Variants in TMEM164 observed in about 807,000 individuals in gnomAD.
TMEM164 encodes the protein RP13-360B22.2.
Under a neutral mutation model 18.8 loss-of-function variants are expected in TMEM164, and 4 were observed. That is an observed-to-expected ratio of 0.21 (90% CI 0.10 to 0.49). The LOEUF (loss-of-function observed/expected upper bound fraction) is 0.49. TMEM164 is among the 20% of genes least tolerant of loss of function. The probability of loss-of-function intolerance (pLI) is 0.98; values close to 1 mark genes in which losing one functional copy is unlikely to be tolerated. For synonymous variants in TMEM164, 86 were observed against 101.7 expected, an observed-to-expected ratio of 0.85 and a Z score of 0.93; for missense variants, 108 against 239.9, an observed-to-expected ratio of 0.45 and a Z score of 3.63.
chrX:110,038,886 A>G (rs1934969299), intron 2 of TMEM164, among the ~76,000 whole-genome samples: 1 of 110,557 alleles, frequency 9.0e-6, no homozygotes, highest in Non-Finnish European at 1.9e-5. Flanking sequence ...TTAAAAAACT[A>G]CTTTGAGCTT....
chrX:110,040,723 C>G (rs1432171761), intron 2 of TMEM164, among the ~76,000 whole-genome samples: 1 of 111,522 alleles, frequency 9.0e-6, no homozygotes, highest in African/African-American at 3.3e-5. Context: ...CTCAGCCACC[C>G]TCTGGGGTTA....
rs1325003821 is a variant in TMEM164 at position 110,011,189 on chromosome X, CA to C, written c.390+7035del. Among the ~76,000 whole-genome samples the C allele has an allele frequency of 8.8e-4, 92 of 104,387 alleles. 1 individual carries two copies. The highest frequency in any genetic ancestry group is 2.7e-3 in the African/African-American group (79 of 28,815). 90.6% of individuals were successfully genotyped at this position (104,387 alleles called of 115,157 possible). On this transcript the variant is annotated intron_variant, in intron 2 of 6. Transcript: ENST00000372068. ...GTACTTTCAAAAACAAAACCAAAAA[CA>C]AAAAAAAAAGAAGAAGTAGCCTTTG...
At chrX:110,044,429 T>C (rs947747544) in intron 2 of TMEM164, among the ~76,000 whole-genome samples, 3 of 109,477 alleles carry the variant, frequency 2.7e-5, no homozygotes, top group African/African-American at 1.0e-4. Context: ...TGTCAGGTTT[T>C]TTTTTTGTTG....
At chrX:110,072,113 C>CTTT (rs2065601175) in intron 3 of TMEM164, among the ~76,000 whole-genome samples, 1 of 107,843 alleles carries the variant, frequency 9.3e-6, no homozygotes, top group Admixed American at 1.0e-4. Flanking sequence ...CCAGCCTTAC[C>CTTT]AACATGGTGA....
At chrX:110,143,254 T>C (rs1001873640) in intron 4 of TMEM164, among the ~76,000 whole-genome samples, 18 of 112,122 alleles carry the variant, frequency 1.6e-4, no homozygotes, top group South Asian at 3.7e-4. Flanking sequence ...TTTTGAGACA[T>C]TGAGTAGATT....
At chrX:110,090,928 A>G (rs1032757109) in intron 3 of TMEM164, among the ~76,000 whole-genome samples, 4 of 107,129 alleles carry the variant, frequency 3.7e-5, no homozygotes, top group South Asian at 4.3e-4. Flanking sequence ...TCATTGTTCA[A>G]TTCCCACCTA....
At chrX:110,006,746 T>C (rs1347028957) in intron 2 of TMEM164, among the ~76,000 whole-genome samples, 1 of 112,533 alleles carries the variant, frequency 8.9e-6, no homozygotes, top group Non-Finnish European at 1.9e-5. Flanking sequence ...TTGTTACTTT[T>C]AGCTTAGGCC....
intron 3 of TMEM164, among the ~76,000 whole-genome samples, chrX:110,073,971 G>T (rs78799681): frequency 0.51 from 55,907 of 108,860 alleles, 11,151 homozygotes; most frequent in East Asian, 0.88. Context: ...TCATCCTCCC[G>T]GGTCCAAGTG....
chrX:110,087,527 A>T (rs913910678), intron 3 of TMEM164, among the ~76,000 whole-genome samples: 1 of 111,648 alleles, frequency 9.0e-6, no homozygotes, highest in African/African-American at 3.3e-5. Flanking sequence ...TTGGGTTGTA[A>T]TCAGACAGTT....
At chrX:110,154,878 CTG>C (rs2066995135) in intron 5 of TMEM164, among the ~76,000 whole-genome samples, 1 of 111,889 alleles carries the variant, frequency 8.9e-6, no homozygotes, top group African/African-American at 3.3e-5. Context: ...CTTGACCTCT[CTG>C]TGTCTGTTTT....
intron 3 of TMEM164, among the ~76,000 whole-genome samples, chrX:110,094,472 A>G (rs2065982484): frequency 2.7e-5 from 3 of 111,345 alleles, no homozygotes; most frequent in Non-Finnish European, 5.7e-5. Context: ...TTGTTGGTTT[A>G]AAGTCTGTTT....
intron 2 of TMEM164, among the ~76,000 whole-genome samples, chrX:110,067,000 C>T (rs1936371349): frequency 9.0e-6 from 1 of 111,685 alleles, no homozygotes; most frequent in Non-Finnish European, 1.9e-5. Context: ...CCCTGGGAGG[C>T]AAACCAGATG....
intron 4 of TMEM164, among the ~76,000 whole-genome samples, chrX:110,117,925 C>T (rs2066394495): frequency 8.9e-6 from 1 of 111,972 alleles, no homozygotes; most frequent in African/African-American, 3.2e-5. Context: ...ATATTTCTTT[C>T]TCTTTTTTTT....
chrX:110,123,014 A>T (rs1225903676), intron 4 of TMEM164, among the ~76,000 whole-genome samples: 2 of 112,035 alleles, frequency 1.8e-5, no homozygotes, highest in African/African-American at 6.5e-5. Flanking sequence ...AAGATATATG[A>T]CTGTTTTCTT....
intron 2 of TMEM164, among the ~76,000 whole-genome samples, chrX:110,056,071 A>G (rs1210309066): frequency 9.0e-6 from 1 of 111,661 alleles, no homozygotes; most frequent in Non-Finnish European, 1.9e-5. Context: ...TGTACAATTG[A>G]ATGTTTTTAG....
intron 2 of TMEM164, among the ~76,000 whole-genome samples, chrX:110,030,512 G>A (rs1934437064): frequency 9.4e-6 from 1 of 106,786 alleles, no homozygotes; most frequent in African/African-American, 3.4e-5. Flanking sequence ...TCAAGAGACA[G>A]TTGCCATTTA....
chrX:110,109,578 G>T (rs931725213), intron 4 of TMEM164, among the ~76,000 whole-genome samples: 3 of 112,372 alleles, frequency 2.7e-5, no homozygotes, highest in Non-Finnish European at 3.8e-5. Flanking sequence ...TCTTGGAGAG[G>T]TTTAATGGAA....
rs1275057001 is a variant in TMEM164, at chrX:110,173,976, G to A, written c.*525G>A. Reference sequence around the variant, plus strand: ...CCAGAGCCGAGGGATTTCACAGCTCGTGGTCAAGACAGAACCAGCCAGATT... The same window carrying A: ...CCAGAGCCGAGGGATTTCACAGCTCATGGTCAAGACAGAACCAGCCAGATT... On this transcript the variant is annotated 3_prime_UTR_variant, in exon 7 of 7. Transcript: ENST00000372068. 2 of 114,372 alleles carry A rather than the reference G, an allele frequency of 1.7e-5. No individual in the cohort carries two copies. The highest frequency in any genetic ancestry group is 1.8e-4 in the Admixed American group (2 of 10,963). The allele number at this position is 114,372 out of a possible 1,213,427, so 9.4% of individuals were successfully genotyped here.
intron 4 of TMEM164, among the ~76,000 whole-genome samples, chrX:110,142,884 G>A (rs2066791120): frequency 8.9e-6 from 1 of 112,724 alleles, no homozygotes; most frequent in South Asian, 3.6e-4. Context: ...TTCTAGGAGA[G>A]CTGGGAGGCA....
Sources: allele counts gnomAD v4.1 joint callset (sites outside exome capture counted in the v4.1 genomes callset), GRCh38; gene constraint gnomAD v4.1.1; transcripts MANE v1.5; gene names NCBI Gene and HGNC (gene_info 2026-07-23, HGNC 2026-07-21).